The following FBXL20 variants were observed in gnomAD, a reference collection of about 807,000 sequenced individuals.
FBXL20 encodes the protein F-box/LRR-repeat protein 20.
FBXL20 carries 11 observed loss-of-function variants against 64.0 expected under a neutral mutation model. The ratio of observed to expected loss-of-function variants is 0.17; its 90% CI spans 0.11 to 0.28. The LOEUF (loss-of-function observed/expected upper bound fraction) is 0.28, where lower values mean the gene tolerates loss of function less well. FBXL20 is among the 10% of genes least tolerant of loss of function. The probability of loss-of-function intolerance (pLI) is 1.00; values close to 1 mark genes in which losing one functional copy is unlikely to be tolerated. For synonymous variants in FBXL20, 184 were observed against 189.0 expected (o/e 0.97, Z 0.22); for missense variants, 303 against 526.2 (o/e 0.58, Z 4.15).
chr17:39,343,173 G>C lies in FBXL20; in HGVS notation c.104+7C>G. On this transcript the variant is annotated splice_region_variant and intron_variant, in intron 2 of 14. Coordinates refer to ENST00000264658, the MANE Select transcript of FBXL20 (RefSeq NM_032875.3). ...AAAAAACCCATAAAATTAGCATTCA[G>C]ACTTACCGTAACAGGAGTTCTTTGG... 1 of 1,593,480 alleles carries C rather than the reference G, an allele frequency of 6.3e-7. No homozygotes were observed. Among genetic ancestry groups the C allele is most frequent in the Non-Finnish European group, 8.5e-7 (1 of 1,171,546 alleles).
intron 1 of FBXL20, among the ~76,000 whole-genome samples, chr17:39,373,648 C>A (rs2047938867): frequency 6.6e-6 from 1 of 152,152 alleles, no homozygotes; most frequent in Admixed American, 6.6e-5. Flanking sequence ...TTTTATTTCC[C>A]TATAATCCAT....
At chr17:39,298,050 C>G (rs1214030002) in intron 5 of FBXL20, among the ~76,000 whole-genome samples, 1 of 151,880 alleles carries the variant, frequency 6.6e-6, no homozygotes, top group Non-Finnish European at 1.5e-5. Flanking sequence ...ATGAATTTTC[C>G]ATTATAAATT....
intron 6 of FBXL20, among the ~76,000 whole-genome samples, chr17:39,296,559 CAAAAAAAAAAAA>C (rs60002793): frequency 8.0e-5 from 5 of 62,162 alleles, no homozygotes; most frequent in Non-Finnish European, 1.7e-4. Flanking sequence ...GACTCTGTCT[CAAAAAAAAAAAA>C]AAAAAAAAAA....
At chr17:39,303,533 T>C in intron 3 of FBXL20, 52 bp downstream of exon 3, 1 of 1,464,536 alleles carries the variant, frequency 6.8e-7, no homozygotes, top group Non-Finnish European at 9.4e-7. Flanking sequence ...AAGAGGCTGT[T>C]ATCATCAGTA....
chr17:39,307,019 G>C (rs552515908), intron 2 of FBXL20, among the ~76,000 whole-genome samples: 21 of 152,296 alleles, frequency 1.4e-4, no homozygotes, highest in African/African-American at 5.1e-4. Flanking sequence ...CCTTCTCTAA[G>C]GAGAACCGGA....
intron 1 of FBXL20, among the ~76,000 whole-genome samples, chr17:39,367,376 G>T (rs1316028772): frequency 1.5e-4 from 23 of 150,366 alleles, no homozygotes; most frequent in Non-Finnish European, 2.5e-4. Context: ...GAGTGCAGTG[G>T]CGCAATCTCG....
At chr17:39,347,592 C>T (rs905042258) in intron 1 of FBXL20, among the ~76,000 whole-genome samples, 11 of 152,058 alleles carry the variant, frequency 7.2e-5, no homozygotes, top group Non-Finnish European at 1.3e-4. Context: ...GGATATTAGT[C>T]CTTTGTCAGA....
intron 1 of FBXL20, among the ~76,000 whole-genome samples, chr17:39,371,379 GC>G (rs2047917251): frequency 6.6e-6 from 1 of 151,924 alleles, no homozygotes; most frequent in South Asian, 2.1e-4. Context: ...TTTCTCTGGG[GC>G]CATTCTTTTT....
intron 2 of FBXL20, among the ~76,000 whole-genome samples, chr17:39,331,712 T>TA (rs1453699355): frequency 2.6e-5 from 4 of 152,188 alleles, no homozygotes; most frequent in African/African-American, 4.8e-5. Context: ...AAAGGTAATT[T>TA]AATTATTTCT....
At chr17:39,308,321 C>T (rs1597788587) in intron 2 of FBXL20, among the ~76,000 whole-genome samples, 3 of 151,778 alleles carry the variant, frequency 2.0e-5, no homozygotes, top group Admixed American at 6.6e-5. Context: ...ACAGTGAGAC[C>T]CCGACTCTGT....
intron 1 of FBXL20, among the ~76,000 whole-genome samples, chr17:39,400,896 C>A (rs560797801): frequency 6.6e-6 from 1 of 152,330 alleles, no homozygotes; most frequent in South Asian, 2.1e-4. Context: ...ACTACCGTCC[C>A]CACTTCCCTA....
chr17:39,350,606 AG>A (rs1459434700), intron 1 of FBXL20, among the ~76,000 whole-genome samples: 2 of 152,210 alleles, frequency 1.3e-5, no homozygotes, highest in African/African-American at 4.8e-5. Flanking sequence ...GGAGCATTAA[AG>A]TGAAGGGAAA....
intron 2 of FBXL20, among the ~76,000 whole-genome samples, chr17:39,310,862 G>A (rs555645984): frequency 2.0e-5 from 3 of 152,244 alleles, no homozygotes; most frequent in African/African-American, 7.2e-5. Flanking sequence ...GCACACGCCT[G>A]TAATCTCAGC....
chr17:39,265,046 A>T (rs2046779018), intron 13 of FBXL20, among the ~76,000 whole-genome samples: 1 of 152,230 alleles, frequency 6.6e-6, no homozygotes, highest in Admixed American at 6.5e-5. Flanking sequence ...ACGACCAGTA[A>T]CATTACATCT....
intron 1 of FBXL20, among the ~76,000 whole-genome samples, chr17:39,390,102 G>T (rs1034248962): frequency 6.9e-4 from 105 of 152,172 alleles, no homozygotes; most frequent in African/African-American, 2.3e-3. Context: ...TGTTGAACTA[G>T]ATTAAAATTC....
At chr17:39,310,153 TAAAA>T (rs34838706) in intron 2 of FBXL20, among the ~76,000 whole-genome samples, 1 of 134,712 alleles carries the variant, frequency 7.4e-6, no homozygotes, top group Non-Finnish European at 1.6e-5. Flanking sequence ...TCTACAAATT[TAAAA>T]AAAAAAAAAA....
At chr17:39,397,533 C>G (rs940538406) in intron 1 of FBXL20, among the ~76,000 whole-genome samples, 2 of 152,032 alleles carry the variant, frequency 1.3e-5, no homozygotes, top group African/African-American at 4.8e-5. Context: ...CATAAAGAAG[C>G]TACTAAGAGC....
intron 1 of FBXL20, among the ~76,000 whole-genome samples, chr17:39,382,012 G>C (rs1417999989): frequency 6.8e-6 from 1 of 146,746 alleles, no homozygotes; most frequent in African/African-American, 2.5e-5. Flanking sequence ...AGAATCACTT[G>C]AACCTGGGAG....
chr17:39,341,186 C>T (rs2144567200), intron 2 of FBXL20, among the ~76,000 whole-genome samples: 1 of 152,016 alleles, frequency 6.6e-6, no homozygotes, highest in Non-Finnish European at 1.5e-5. Context: ...ATTTGGCCTC[C>T]AATTTAGGAA....
Sources: allele counts gnomAD v4.1 joint callset (sites outside exome capture counted in the v4.1 genomes callset), GRCh38; gene constraint gnomAD v4.1.1; transcripts MANE v1.5; gene names NCBI Gene and HGNC (gene_info 2026-07-23, HGNC 2026-07-21).